STARD9: variants seen among roughly 807,000 people sequenced by gnomAD.
STARD9 encodes stAR-related lipid transfer protein 9.
STARD9 carries 346 observed loss-of-function variants against 399.8 expected under a neutral mutation model. That is an observed-to-expected ratio of 0.87 (90% CI 0.79 to 0.95). The LOEUF (loss-of-function observed/expected upper bound fraction) is 0.95. Ranked by LOEUF, STARD9 falls within the 40% of genes least tolerant of loss-of-function variation. The probability of loss-of-function intolerance (pLI) is 0.00; values close to 1 mark genes in which losing one functional copy is unlikely to be tolerated. For synonymous variants in STARD9, 2,203 were observed against 2,143.5 expected (o/e 1.03, Z -0.77); for missense variants, 5,832 against 5,667.5 (o/e 1.03, Z -0.93).
intron 26 of STARD9, among the ~76,000 whole-genome samples, chr15:42,712,441 GC>G (rs1432611351): frequency 3.3e-5 from 5 of 151,838 alleles, no homozygotes; most frequent in African/African-American, 1.2e-4. Flanking sequence ...AGAGTTTTAT[GC>G]TTTTAGCTTC....
At chr15:42,661,842 T>G (rs562164923) in intron 10 of STARD9, among the ~76,000 whole-genome samples, 3 of 152,296 alleles carry the variant, frequency 2.0e-5, no homozygotes, top group Admixed American at 1.3e-4. Flanking sequence ...AGCATCAGGA[T>G]ATTGTTAAAG....
At chr15:42,590,937 C>T (rs978482131) in intron 3 of STARD9, among the ~76,000 whole-genome samples, 58 of 152,292 alleles carry the variant, frequency 3.8e-4, no homozygotes, top group African/African-American at 1.3e-3. Context: ...TTGGGGGTCA[C>T]ATTTCAACAT....
intron 3 of STARD9, among the ~76,000 whole-genome samples, chr15:42,602,993 G>T (rs1189293449): frequency 6.6e-6 from 1 of 152,134 alleles, no homozygotes; most frequent in African/African-American, 2.4e-5. Context: ...ATCCAGTATG[G>T]ATCCTTGCTG....
intron 3 of STARD9, among the ~76,000 whole-genome samples, chr15:42,623,813 G>A (rs1332802489): frequency 1.3e-5 from 2 of 152,214 alleles, no homozygotes; most frequent in Admixed American, 6.5e-5. Flanking sequence ...AGCATAAAAT[G>A]GAGAAGGCAA....
intron 20 of STARD9, among the ~76,000 whole-genome samples, chr15:42,679,414 C>T (rs1410902386): frequency 6.6e-6 from 1 of 152,190 alleles, no homozygotes; most frequent in Non-Finnish European, 1.5e-5. Context: ...GCAATCAGTG[C>T]CAGTCTTTTG....
intron 3 of STARD9, among the ~76,000 whole-genome samples, chr15:42,621,064 A>T (rs1451073025): frequency 6.6e-6 from 1 of 152,058 alleles, no homozygotes; most frequent in Non-Finnish European, 1.5e-5. Context: ...CATGTCCCTT[A>T]ATTTGGATTG....
At chr15:42,590,443 A>G (rs2058372045) in intron 3 of STARD9, among the ~76,000 whole-genome samples, 1 of 152,292 alleles carries the variant, frequency 6.6e-6, no homozygotes, top group Non-Finnish European at 1.5e-5. Flanking sequence ...TGAGGGAACT[A>G]TCTAAATTTC....
chr15:42,665,921 G>A (rs2060092209), intron 15 of STARD9, 73 bp downstream of exon 15: 10 of 1,303,228 alleles, frequency 7.7e-6, no homozygotes, highest in South Asian at 1.3e-5. Flanking sequence ...GAGCTAGGTA[G>A]GGTTGCTCCC....
At position 42,687,977 on chromosome 15, in the gene STARD9, G is replaced by A; in HGVS notation, c.6399G>A (p.Met2133Ile). The change falls in exon 23 of 33, where the codon ATG becomes ATA. Residue 2133 changes from methionine to isoleucine, a missense_variant. Around this residue, in one of 2 missense-constraint regions of STARD9, gnomAD observed 5,828 missense variants for 5,651.1 expected, o/e 1.03. Coordinates refer to ENST00000290607, the MANE Select transcript of STARD9 (RefSeq NM_020759.3). ...TTAGGGATAGTGAAGCTGGAGCGAT[G>A]GAGGTTAACAGCATTGGGAACCATC... ...TVFRDSEAGA[M>I]EVNSIGNHPQ... 6.5e-7 allele frequency: 1 copy of A among 1,537,510 alleles called. No individual in the cohort carries two copies. The highest frequency in any genetic ancestry group is 8.7e-7 in the Non-Finnish European group (1 of 1,146,986).
chr15:42,668,545 A>G (rs1334278881), intron 15 of STARD9, among the ~76,000 whole-genome samples: 1 of 152,128 alleles, frequency 6.6e-6, no homozygotes, highest in Non-Finnish European at 1.5e-5. Flanking sequence ...ATTTACTTTT[A>G]AAAACTCTGT....
intron 3 of STARD9, among the ~76,000 whole-genome samples, chr15:42,621,995 G>A (rs900121583): frequency 3.3e-5 from 5 of 152,074 alleles, no homozygotes; most frequent in African/African-American, 4.8e-5. Flanking sequence ...CTATATTGAA[G>A]CCTATGAATT....
At chr15:42,717,403 G>T (rs2061370225) in intron 28 of STARD9, among the ~76,000 whole-genome samples, 1 of 151,898 alleles carries the variant, frequency 6.6e-6, no homozygotes. Context: ...TGGGAAGATT[G>T]CTTGAGTCCA....
intron 9 of STARD9, 117 bp downstream of exon 9, chr15:42,652,709 T>G (rs1000010318): frequency 1.1e-6 from 1 of 935,578 alleles, no homozygotes; most frequent in Non-Finnish European, 1.6e-6. Context: ...AGGGTCTCAG[T>G]CTGTTGCCCA....
At chr15:42,667,230 G>C (rs750966569) in intron 15 of STARD9, among the ~76,000 whole-genome samples, 3 of 151,982 alleles carry the variant, frequency 2.0e-5, no homozygotes, top group Non-Finnish European at 4.4e-5. Flanking sequence ...TGTCACCCAG[G>C]CTGGAGTGCA....
intron 7 of STARD9, among the ~76,000 whole-genome samples, chr15:42,647,722 G>C (rs1482366804): frequency 6.6e-6 from 1 of 152,112 alleles, no homozygotes; most frequent in Admixed American, 6.6e-5. Context: ...TGGTCTGCTT[G>C]TATTTAATGT....
chr15:42,675,815 G>A (rs1358529520), intron 19 of STARD9, 57 bp from the exon 20 acceptor site: 9 of 1,534,216 alleles, frequency 5.9e-6, no homozygotes, highest in Non-Finnish European at 7.9e-6. Context: ...GAAAAGCCAA[G>A]CTGGGAGAGG....
At chr15:42,595,521 T>C (rs1288588631) in intron 3 of STARD9, among the ~76,000 whole-genome samples, 1 of 152,222 alleles carries the variant, frequency 6.6e-6, no homozygotes, top group Non-Finnish European at 1.5e-5. Flanking sequence ...GGACTCTGCC[T>C]TCTTGAATTT....
intron 1 of STARD9, among the ~76,000 whole-genome samples, chr15:42,576,104 CTCTT>C (rs1376034568): frequency 2.0e-5 from 3 of 152,292 alleles, no homozygotes; most frequent in East Asian, 1.9e-4. Flanking sequence ...ATTCTCCTCT[CTCTT>C]TCTGGGGGCT....
intron 31 of STARD9, 60 bp from the exon 32 acceptor site, chr15:42,718,692 A>G: frequency 2.0e-6 from 3 of 1,511,040 alleles, no homozygotes; most frequent in Non-Finnish European, 2.7e-6. Flanking sequence ...TCTACACGGG[A>G]GCCTGTTCCT....
Sources: allele counts gnomAD v4.1 joint callset (sites outside exome capture counted in the v4.1 genomes callset), GRCh38; gene constraint gnomAD v4.1.1; regional missense constraint gnomAD v4.1.1; transcripts MANE v1.5; gene names NCBI Gene and HGNC (gene_info 2026-07-23, HGNC 2026-07-21).